HECW1: variants seen among roughly 807,000 people sequenced by gnomAD.
The protein encoded by HECW1 is HECT, C2 and WW domain containing E3 ubiquitin protein ligase 1, also known as E3 ubiquitin-protein ligase HECW1.
HECW1 carries 61 observed loss-of-function variants against 182.3 expected under a neutral mutation model. The ratio of observed to expected loss-of-function variants is 0.33; its 90% CI spans 0.27 to 0.41. The LOEUF is 0.41. Ranked by LOEUF, HECW1 falls within the 10% of genes least tolerant of loss-of-function variation. HECW1 has a pLI of 1.00. For missense variants in HECW1, 1,739 were observed against 2,108.9 expected, an observed-to-expected ratio of 0.82 and a Z score of 3.44; for synonymous variants, 859 against 832.6, an observed-to-expected ratio of 1.03 and a Z score of -0.55.
At chr7:43,339,841 C>A (rs1360445496) in intron 5 of HECW1, among the ~76,000 whole-genome samples, 2 of 152,050 alleles carry the variant, frequency 1.3e-5, no homozygotes, top group African/African-American at 4.8e-5. Context: ...TTCAGTGGGG[C>A]CCCTCTCCCT....
chr7:43,160,637 G>A (rs1322275374), intron 2 of HECW1, among the ~76,000 whole-genome samples: 1 of 152,098 alleles, frequency 6.6e-6, no homozygotes, highest in Non-Finnish European at 1.5e-5. Flanking sequence ...CCATTGATCT[G>A]TGGTTCTGGT....
chr7:43,241,041 ATC>A (rs1483020859), intron 2 of HECW1: 2 of 152,250 alleles, frequency 1.3e-5, no homozygotes, highest in Admixed American at 6.5e-5. Flanking sequence ...AGGAAGAATC[ATC>A]TAATCTAAGG....
chr7:43,275,706 A>ACG (rs1174931217), intron 3 of HECW1, among the ~76,000 whole-genome samples: 2 of 149,528 alleles, frequency 1.3e-5, no homozygotes, highest in African/African-American at 5.0e-5. Flanking sequence ...TCTTATGCGC[A>ACG]CGCACACACA....
Position 43,456,384 on chromosome 7 carries a change from C to T in HECW1, c.2588C>T (p.Ala863Val). ...RTTTWQRPTA[A>V]ATPDGMRRSG... ...ACCACCTGGCAGCGTCCGACGGCAG[C>T]AGCCACCCCGGATGGCATGCGGAGA... Residue 863 changes from alanine (A) to valine (V), a missense_variant, in exon 13 of 30, where the codon GCA (alanine) becomes GTA (valine). By Grantham distance (64) the Ala-to-Val change is moderately conservative (BLOSUM62 0). This residue lies in a region of HECW1 where 971 missense variants were observed against 1,029.1 expected (regional missense o/e 0.94). Coordinates refer to ENST00000395891, the MANE Select transcript of HECW1 (RefSeq NM_015052.5). The T allele has an allele frequency of 6.2e-7, 1 of 1,614,092 alleles. No homozygotes were observed. The highest frequency in any genetic ancestry group is 8.5e-7 in the Non-Finnish European group (1 of 1,179,994).
chr7:43,238,820 T>C (rs1798614945), intron 2 of HECW1, among the ~76,000 whole-genome samples: 1 of 152,114 alleles, frequency 6.6e-6, no homozygotes, highest in East Asian at 1.9e-4. Flanking sequence ...GGTTTTTCTG[T>C]CATAGAGGAG....
chr7:43,485,913 G>T (rs1040715600), intron 17 of HECW1, among the ~76,000 whole-genome samples: 27 of 152,000 alleles, frequency 1.8e-4, no homozygotes, highest in African/African-American at 5.8e-4. Context: ...CAATGCGCAG[G>T]TTTGTTACAT....
At chr7:43,453,608 A>T (rs1341746896) in intron 12 of HECW1, among the ~76,000 whole-genome samples, 2 of 152,246 alleles carry the variant, frequency 1.3e-5, no homozygotes, top group East Asian at 3.8e-4. Context: ...AAATTGTTCA[A>T]AATACACAGT....
intron 5 of HECW1, among the ~76,000 whole-genome samples, chr7:43,348,476 A>G (rs771939847): frequency 4.3e-4 from 65 of 150,538 alleles, no homozygotes; most frequent in Non-Finnish European, 3.0e-4. Context: ...TTTTGTTTTC[A>G]TTTATCTTTT....
chr7:43,312,083 C>T lies in HECW1; in HGVS notation c.348C>T (p.Leu116=), dbSNP rs546705167. Reference sequence around the variant, plus strand: ...CTGGGGACTGGATTGGCATGTACCTCATTGGTGAGTAGAATGTGCCAAGTG... The same window carrying T: ...CTGGGGACTGGATTGGCATGTACCTTATTGGTGAGTAGAATGTGCCAAGTG... ...VDAGDWIGMY[L]IDEVLSENFL... Residue 116 remains leucine (L), a synonymous_variant, in exon 4 of 30, where the codon CTC becomes CTT. Coordinates refer to ENST00000395891, the MANE Select transcript of HECW1 (RefSeq NM_015052.5). 2.5e-5 allele frequency: 41 copies of T among 1,611,540 alleles called. 3 individuals carry two copies. The South Asian group carries it at 4.5e-4, about 18-fold the overall frequency.
intron 2 of HECW1, among the ~76,000 whole-genome samples, chr7:43,160,378 C>T (rs183195330): frequency 1.3e-3 from 201 of 152,158 alleles, no homozygotes; most frequent in African/African-American, 4.6e-3. Flanking sequence ...TTTAGTCTTG[C>T]GGTTAGAAAA....
At chr7:43,230,057 A>C (rs1445975830) in intron 2 of HECW1, among the ~76,000 whole-genome samples, 1 of 152,182 alleles carries the variant, frequency 6.6e-6, no homozygotes, top group East Asian at 1.9e-4. Flanking sequence ...GGCAAATTTA[A>C]AGTGGGCAGT....
intron 5 of HECW1, among the ~76,000 whole-genome samples, chr7:43,325,443 G>A (rs972453484): frequency 2.6e-5 from 4 of 152,134 alleles, no homozygotes; most frequent in Non-Finnish European, 5.9e-5. Flanking sequence ...CCAGAACACT[G>A]AGATGAGGTG....
intron 8 of HECW1, among the ~76,000 whole-genome samples, chr7:43,431,536 G>T (rs1429870822): frequency 6.6e-6 from 1 of 152,098 alleles, no homozygotes; most frequent in Non-Finnish European, 1.5e-5. Flanking sequence ...TACCTGATCT[G>T]CCTCCTCCAG....
chr7:43,158,908 A>G (rs1790188428), intron 2 of HECW1, among the ~76,000 whole-genome samples: 2 of 152,212 alleles, frequency 1.3e-5, no homozygotes, highest in African/African-American at 2.4e-5. Flanking sequence ...TATACTGTGC[A>G]TCAGAATCAC....
Position 43,194,405 on chromosome 7 carries a change from TGAA to T in HECW1, c.-31-49466_-31-49464del, listed in dbSNP as rs1391979433. The T allele has an allele frequency of 2.0e-5, 3 of 152,284 alleles. No individual in the cohort carries two copies. The East Asian group carries it at 5.8e-4, about 29-fold the overall frequency. The allele number at this position is 152,284 out of a possible 1,614,324, so 9.4% of individuals were successfully genotyped here. On this transcript the variant is annotated intron_variant, in intron 2 of 29. Transcript: ENST00000395891. ...CTCTGATCAGTTCAGATGCAGTGTA[TGAA>T]GAACCATAAAGCTAGTGTTACAGCT...
At chr7:43,236,674 T>C (rs1242129450) in intron 2 of HECW1, among the ~76,000 whole-genome samples, 1 of 152,150 alleles carries the variant, frequency 6.6e-6, no homozygotes, top group African/African-American at 2.4e-5. Context: ...CATTTTTACA[T>C]AAACAGTAGG....
intron 29 of HECW1, among the ~76,000 whole-genome samples, chr7:43,556,280 G>T (rs1327190320): frequency 6.6e-6 from 1 of 152,184 alleles, no homozygotes; most frequent in East Asian, 1.9e-4. Context: ...GGCTGAGAGC[G>T]GGGAATGGCA....
intron 3 of HECW1, among the ~76,000 whole-genome samples, chr7:43,252,636 A>G (rs960939153): frequency 7.9e-5 from 12 of 152,208 alleles, no homozygotes; most frequent in Admixed American, 6.5e-4. Flanking sequence ...ATGTCATTTG[A>G]TCATTGGTTA....
intron 2 of HECW1, among the ~76,000 whole-genome samples, chr7:43,197,507 A>G (rs1014642634): frequency 1.3e-5 from 2 of 152,132 alleles, no homozygotes; most frequent in Non-Finnish European, 2.9e-5. Flanking sequence ...AGAGGGTGGG[A>G]CCCACCTCTT....
Sources: allele counts gnomAD v4.1 joint callset (sites outside exome capture counted in the v4.1 genomes callset), GRCh38; gene constraint gnomAD v4.1.1; regional missense constraint gnomAD v4.1.1; transcripts MANE v1.5; gene names NCBI Gene and HGNC (gene_info 2026-07-23, HGNC 2026-07-21).